The following BSPRY variants were observed in gnomAD, a reference collection of about 807,000 sequenced individuals.
The protein encoded by BSPRY is B-box and SPRY domain containing.
BSPRY carries 33 observed loss-of-function variants against 38.0 expected under a neutral mutation model. The ratio of observed to expected loss-of-function variants is 0.87; its 90% confidence interval spans 0.66 to 1.16. The LOEUF (loss-of-function observed/expected upper bound fraction) is 1.16, where lower values mean the gene tolerates loss of function less well. Among genes scored for constraint, BSPRY ranks in the 50% most tolerant of loss-of-function variants. The probability of loss-of-function intolerance (pLI) is 0.00; values close to 1 mark genes in which losing one functional copy is unlikely to be tolerated. For synonymous variants in BSPRY, 224 were observed against 228.5 expected (o/e 0.98, Z 0.18); for missense variants, 523 against 533.2 (o/e 0.98, Z 0.19).
rs1378166756 is a variant in BSPRY, at chr9:113,370,289, C to A, written c.*147C>A. On this transcript the variant is annotated 3_prime_UTR_variant, in exon 6 of 6. Coordinates refer to ENST00000374183, the MANE Select transcript of BSPRY (RefSeq NM_017688.3). The surrounding 1 kb of genome is among the most constrained non-coding windows in gnomAD (Gnocchi z 4.8). ...GGGCAGCTTTAGGAGGGATGGGGAT[C>A]TGTTTCAGATCTAGGCATAACCTGT... 2.0e-6 allele frequency: 2 copies of A among 977,478 alleles called. No individual in the cohort carries two copies. The highest frequency in any genetic ancestry group is 3.3e-5 in the African/African-American group (2 of 60,554). 60.6% of individuals were successfully genotyped at this position (977,478 alleles called of 1,614,324 possible). A position where few individuals can be genotyped will look rare whatever the true frequency, so the allele number is the denominator to read the frequency against.
At chr9:113,359,805 TGG>T (rs751190644) in intron 2 of BSPRY, among the ~76,000 whole-genome samples, 13 of 152,140 alleles carry the variant, frequency 8.5e-5, no homozygotes, top group Non-Finnish European at 1.6e-4. Flanking sequence ...GGGGCTGAGT[TGG>T]GCTTATTTAT....
intron 4 of BSPRY, among the ~76,000 whole-genome samples, chr9:113,365,756 T>G (rs549728275): frequency 6.9e-6 from 1 of 145,570 alleles, no homozygotes; most frequent in African/African-American, 2.6e-5. Context: ...AGAGAGTGTG[T>G]GTGTGTGTGT....
At chr9:113,367,786 C>T (rs116611661) in intron 4 of BSPRY, among the ~76,000 whole-genome samples, 2,071 of 152,032 alleles carry the variant, frequency 0.014, 44 homozygotes, top group African/African-American at 0.047. Flanking sequence ...GGGGAAATGG[C>T]CACCTTCCCT....
intron 2 of BSPRY, among the ~76,000 whole-genome samples, chr9:113,358,557 C>T (rs1433950736): frequency 2.0e-5 from 3 of 152,064 alleles, no homozygotes; most frequent in Admixed American, 6.6e-5. Flanking sequence ...TATGAGCCAC[C>T]GTGTCCAGCC....
At chr9:113,365,296 T>G (rs78154658) in intron 4 of BSPRY, among the ~76,000 whole-genome samples, 4,294 of 152,312 alleles carry the variant, frequency 0.028, 112 homozygotes, top group South Asian at 0.084. Context: ...CATCCATTGG[T>G]CACTCCTGCC....
chr9:113,361,028 C>T (rs1275708203), intron 3 of BSPRY, among the ~76,000 whole-genome samples: 1 of 152,288 alleles, frequency 6.6e-6, no homozygotes, highest in East Asian at 1.9e-4. Flanking sequence ...GATCAGGTTC[C>T]TCATCCACCA....
At chr9:113,356,055 C>T (rs1834052885) in intron 2 of BSPRY, among the ~76,000 whole-genome samples, 1 of 152,156 alleles carries the variant, frequency 6.6e-6, no homozygotes, top group Admixed American at 6.5e-5. Context: ...AACAGAAATT[C>T]CTATTTTCAT....
chr9:113,367,492 TCTGACAAAACCC>T (rs1490482605), intron 4 of BSPRY, among the ~76,000 whole-genome samples: 1 of 152,118 alleles, frequency 6.6e-6, no homozygotes, highest in African/African-American at 2.4e-5. Context: ...GGCTGTACCT[TCTGACAAAACCC>T]AGGGAAACAT....
intron 2 of BSPRY, among the ~76,000 whole-genome samples, chr9:113,354,719 G>A (rs7030206): frequency 0.012 from 1,776 of 152,296 alleles, 31 homozygotes; most frequent in African/African-American, 0.04. Flanking sequence ...TTTACAAATA[G>A]GAAAATGGGT....
intron 4 of BSPRY, among the ~76,000 whole-genome samples, chr9:113,364,419 C>T: frequency 6.6e-6 from 1 of 152,094 alleles, no homozygotes; most frequent in East Asian, 1.9e-4. Context: ...CACTTCTGCC[C>T]ATCTTCTCTA....
At chr9:113,351,004 T>C (rs1280396512) in intron 1 of BSPRY, among the ~76,000 whole-genome samples, 1 of 152,152 alleles carries the variant, frequency 6.6e-6, no homozygotes, top group Admixed American at 6.5e-5. Context: ...AGCTTCCTAA[T>C]GTTCAGGGGT....
At chr9:113,357,910 A>G (rs1356437540) in intron 2 of BSPRY, among the ~76,000 whole-genome samples, 755 of 19,416 alleles carry the variant, frequency 0.039, 62 homozygotes, top group Middle Eastern at 0.12. Context: ...ATATATATAT[A>G]TATATATATA....
In BSPRY at chr9:113,370,245, A is replaced by G; in HGVS notation, c.*103A>G. On this transcript the variant is annotated 3_prime_UTR_variant, in exon 6 of 6. Coordinates refer to ENST00000374183, the MANE Select transcript of BSPRY (RefSeq NM_017688.3). The surrounding 1 kb of genome is among the most constrained non-coding windows in gnomAD (Gnocchi z 4.8). ...TGATGTGTGTGGTGTTTCTAAGAGA[A>G]ACAGGGCCCATAACCAGTGGGCAGC... is the stretch of plus-strand genomic sequence containing the variant. 4 of 1,376,246 alleles carry G rather than the reference A, an allele frequency of 2.9e-6. 1 individual carries two copies. The South Asian group carries it at 5.8e-5, about 20-fold the overall frequency. 85.3% of individuals were successfully genotyped at this position (1,376,246 alleles called of 1,614,324 possible). A position where few individuals can be genotyped will look rare whatever the true frequency, so the allele number is the denominator to read the frequency against.
At chr9:113,359,871 T>C (rs1834120076) in intron 2 of BSPRY, among the ~76,000 whole-genome samples, 1 of 145,294 alleles carries the variant, frequency 6.9e-6, no homozygotes. Flanking sequence ...TCCATCTCTA[T>C]TAAAAAAAAT....
intron 1 of BSPRY, among the ~76,000 whole-genome samples, chr9:113,353,151 G>A (rs1360889659): frequency 2.0e-5 from 3 of 152,160 alleles, no homozygotes; most frequent in South Asian, 4.1e-4. Context: ...ACTTTGGGGG[G>A]CTGAGGCGGG....
intron 4 of BSPRY, among the ~76,000 whole-genome samples, chr9:113,363,472 G>C (rs141728528): frequency 6.6e-6 from 1 of 152,136 alleles, no homozygotes; most frequent in East Asian, 1.9e-4. Context: ...AGAAAAATGA[G>C]TCTGCATTAC....
intron 2 of BSPRY, among the ~76,000 whole-genome samples, chr9:113,359,746 A>G (rs1455911588): frequency 1.3e-5 from 2 of 152,120 alleles, no homozygotes; most frequent in Non-Finnish European, 2.9e-5. Context: ...GTCAGAAAAA[A>G]TTTCCTGGGT....
chr9:113,368,777 A>ACTTTACACACACTGACTCAGGC (rs1274706429), intron 5 of BSPRY, among the ~76,000 whole-genome samples: 11 of 152,268 alleles, frequency 7.2e-5, no homozygotes, highest in Admixed American at 2.0e-4. Context: ...TCACTTATTC[A>ACTTTACACACACTGACTCAGGC]CTTTACACAC....
At chr9:113,368,577 T>C (rs1026060290) in intron 5 of BSPRY, among the ~76,000 whole-genome samples, 194 bp downstream of exon 5, 4 of 152,216 alleles carry the variant, frequency 2.6e-5, no homozygotes, top group Non-Finnish European at 4.4e-5. Flanking sequence ...CCTTCCCATT[T>C]CCGGACTAAC....
Sources: gnomAD v4.1 joint callset for allele counts (sites outside exome capture counted in the v4.1 genomes callset) on GRCh38, gnomAD v4.1.1 for gene constraint, Gnocchi (gnomAD v3.1) non-coding constraint, MANE v1.5 for transcripts, NCBI Gene and HGNC (gene_info 2026-07-23, HGNC 2026-07-21) for gene names.